HRH3: variants seen among roughly 807,000 people sequenced by gnomAD.
HRH3 encodes the protein histamine receptor H3, also known as histamine H3 receptor.
A neutral mutation model predicts 21.6 loss-of-function variants in HRH3; 13 were observed. That is an observed-to-expected ratio of 0.60 (90% CI 0.39 to 0.96). The LOEUF is 0.96. HRH3 is among the 40% of genes least tolerant of loss of function. The pLI, the probability that HRH3 is intolerant of heterozygous loss-of-function variation, is 0.00. For missense variants in HRH3, 461 were observed against 622.7 expected (o/e 0.74, Z 2.76); for synonymous variants, 276 against 290.3 (o/e 0.95, Z 0.50).
chr20:62,216,294 C>T lies in HRH3; in HGVS notation c.1050G>A (p.Leu350=), dbSNP rs1308876169. The T allele has an allele frequency of 6.2e-7, 1 of 1,611,728 alleles. No homozygotes were observed. Among genetic ancestry groups the T allele is most frequent in the Admixed American group, 1.7e-5 (1 of 59,968 alleles). ...ACTTGGCCACTTTCCTGTCCCGAGA[C>T]AGCCGAAAGCGCTGGGTGAAGCTCT... The part of the protein sequence containing the change: ...VSQSFTQRFR[L]SRDRKVAKSL... The change falls in exon 3 of 3, where the codon CTG becomes CTA. Residue 350 remains leucine, a synonymous_variant. Coordinates refer to ENST00000340177, the MANE Select transcript of HRH3 (RefSeq NM_007232.3).
At position 62,220,230 on chromosome 20, in the gene HRH3, C is replaced by A. The variant is rs1978756450; in HGVS notation, c.-260G>T. 1.3e-5 allele frequency: 2 copies of A among 154,610 alleles called. No individual in the cohort carries two copies. Among genetic ancestry groups the A allele is most frequent in the Admixed American group, 6.7e-5 (1 of 14,898 alleles). 9.6% of individuals were successfully genotyped at this position (154,610 alleles called of 1,614,324 possible). On this transcript the variant is annotated 5_prime_UTR_variant, in exon 1 of 3. Coordinates refer to ENST00000340177, the MANE Select transcript of HRH3 (RefSeq NM_007232.3). The stretch of plus-strand genomic sequence containing the variant: ...AGCGGGAGAGGAGCCGGAGCCTGAG[C>A]CGCTGCCGGTGCGACCGTGCAGCCG...
Position 62,218,364 on chromosome 20 carries a change from C to T in HRH3, c.417+127G>A. 1 of 1,115,428 alleles carries T rather than the reference C, an allele frequency of 9.0e-7. No homozygotes were observed. Among genetic ancestry groups the T allele is most frequent in the Non-Finnish European group, 1.3e-6 (1 of 794,260 alleles). The allele number at this position is 1,115,428 out of a possible 1,614,324, so 69.1% of individuals were successfully genotyped here. On this transcript the variant is annotated intron_variant, in intron 2 of 2. Transcript: ENST00000340177. The surrounding 1 kb of genome is among the most constrained non-coding windows in gnomAD (Gnocchi z 5.6). Reference sequence around the variant, plus strand: ...CGTCGAGTGGCCCATGTGTCAGCAGCAAAGCCAGTGGGACCAAGCCCACTT... The same window carrying T: ...CGTCGAGTGGCCCATGTGTCAGCAGTAAAGCCAGTGGGACCAAGCCCACTT...
In HRH3 at chr20:62,218,343, G is replaced by A. The variant is rs562577507; in HGVS notation, c.417+148C>T. The A allele has an allele frequency of 3.5e-3, 3,131 of 901,400 alleles. 10 individuals carry two copies. Among genetic ancestry groups the A allele is most frequent in the Non-Finnish European group, 4.9e-3 (2,943 of 606,436 alleles). 55.8% of individuals were successfully genotyped at this position (901,400 alleles called of 1,614,324 possible). A position where few individuals can be genotyped will look rare whatever the true frequency, so the allele number is the denominator to read the frequency against. ...GGCCCCGAGTGGGCAGCTGGCCGTCGAGTGGCCCATGTGTCAGCAGCAAAG... is the reference window on the plus strand; with the variant it reads ...GGCCCCGAGTGGGCAGCTGGCCGTCAAGTGGCCCATGTGTCAGCAGCAAAG... On this transcript the variant is annotated intron_variant, in intron 2 of 2. Coordinates refer to ENST00000340177, the MANE Select transcript of HRH3 (RefSeq NM_007232.3). This position sits in a 1 kb window ranked among gnomAD's most constrained non-coding sequence, Gnocchi z 5.6.
Position 62,216,710 on chromosome 20 carries a change from G to A in HRH3, c.634C>T (p.Leu212Phe), listed in dbSNP as rs1243065833. The change falls in exon 3 of 3, where the codon CTC becomes TTC. Residue 212 changes from leucine to phenylalanine, a missense_variant. Leu to Phe is a conservative substitution (Grantham distance 22). Transcript: ENST00000340177. Reference sequence around the variant, plus strand: ...CTGAGGTTAAAGAAGGTGACGCTGAGGAAGGGCGTAAAGAACTCCAGGGTG... The same window carrying A: ...CTGAGGTTAAAGAAGGTGACGCTGAAGAAGGGCGTAAAGAACTCCAGGGTG... ...ASTLEFFTPFLSVTFFNLSIY... is the reference protein window; with the variant it reads ...ASTLEFFTPFFSVTFFNLSIY... 6.2e-7 allele frequency: 1 copy of A among 1,613,172 alleles called. No homozygotes were observed. The highest frequency in any genetic ancestry group is 2.2e-5 in the East Asian group (1 of 44,890).
Position 62,220,111 on chromosome 20 carries a change from T to A in HRH3, c.-141A>T. 1.4e-6 allele frequency: 1 copy of A among 709,340 alleles called. No individual in the cohort carries two copies. The highest frequency in any genetic ancestry group is 1.7e-6 in the Non-Finnish European group (1 of 578,924). The allele number at this position is 709,340 out of a possible 1,614,324, so 43.9% of individuals were successfully genotyped here. A position where few individuals can be genotyped will look rare whatever the true frequency, so the allele number is the denominator to read the frequency against. On this transcript the variant is annotated 5_prime_UTR_variant, in exon 1 of 3. The change abolishes an upstream ATG in the 5' untranslated region. Coordinates refer to ENST00000340177, the MANE Select transcript of HRH3 (RefSeq NM_007232.3). Reference sequence around the variant, plus strand: ...GGTTCCCCTGGGGGCGCCCAGCGCATGGTCCGCGGGGCCGGGGCCGGGGCC... The same window carrying A: ...GGTTCCCCTGGGGGCGCCCAGCGCAAGGTCCGCGGGGCCGGGGCCGGGGCC...
Position 62,216,747 on chromosome 20 carries a change from G to A in HRH3, c.597C>T (p.Leu199=), listed in dbSNP as rs1360161327. The change falls in exon 3 of 3, where the codon CTC becomes CTT. Residue 199 remains leucine, a synonymous_variant. Transcript: ENST00000340177. ...YAEFFYNWYF[L]ITASTLEFFT... ...AGAACTCCAGGGTGGAAGCCGTGATGAGGAAGTACCAGTTGTAGAAGAACT... is the reference window on the plus strand; with the variant it reads ...AGAACTCCAGGGTGGAAGCCGTGATAAGGAAGTACCAGTTGTAGAAGAACT... 6.2e-7 allele frequency: 1 copy of A among 1,613,338 alleles called. No individual in the cohort carries two copies. Among genetic ancestry groups the A allele is most frequent in the South Asian group, 1.1e-5 (1 of 91,092 alleles).
In HRH3 at chr20:62,215,409, G is replaced by A. The variant is rs1215423441; in HGVS notation, c.*597C>T. The stretch of plus-strand genomic sequence containing the variant: ...GACATGTTTTCTTCTTCATCTTTCT[G>A]AAAACACCCAGAATGGAAAAGCAGA... On this transcript the variant is annotated 3_prime_UTR_variant, in exon 3 of 3. Transcript: ENST00000340177. The A allele has an allele frequency of 2.2e-6, 1 of 457,022 alleles. No individual in the cohort carries two copies. Among genetic ancestry groups the A allele is most frequent in the Non-Finnish European group, 4.4e-6 (1 of 227,106 alleles). 28.3% of individuals were successfully genotyped at this position (457,022 alleles called of 1,614,324 possible). A position where few individuals can be genotyped will look rare whatever the true frequency, so the allele number is the denominator to read the frequency against.
At position 62,219,694 on chromosome 20, in the gene HRH3, C is replaced by T. The variant is rs752456753; in HGVS notation, c.250+27G>A. On this transcript the variant is annotated intron_variant, in intron 1 of 2. Transcript: ENST00000340177. The surrounding 1 kb of genome is among the most constrained non-coding windows in gnomAD (Gnocchi z 8.7). Reference sequence around the variant, plus strand: ...CGGCCACGCTGGGCGCCCCTGGGTCCCCAGCGGCCAGGGGCTGGGGATTTA... The same window carrying T: ...CGGCCACGCTGGGCGCCCCTGGGTCTCCAGCGGCCAGGGGCTGGGGATTTA... 18 of 1,581,112 alleles carry T rather than the reference C, an allele frequency of 1.1e-5. No individual in the cohort carries two copies. The South Asian group carries it at 1.8e-4, about 16-fold the overall frequency.
chr20:62,215,440 G>A lies in HRH3; in HGVS notation c.*566C>T, dbSNP rs1164204786. On this transcript the variant is annotated 3_prime_UTR_variant, in exon 3 of 3. Coordinates refer to ENST00000340177, the MANE Select transcript of HRH3 (RefSeq NM_007232.3). ...ACCCAGAATGGAAAAGCAGAGAACA[G>A]CTTCGAGGTTCCTAGGGCCCCTTGA... is the stretch of plus-strand genomic sequence containing the variant. 4.4e-6 allele frequency: 2 copies of A among 457,218 alleles called. No individual in the cohort carries two copies. Among genetic ancestry groups the A allele is most frequent in the Admixed American group, 4.7e-5 (2 of 42,592 alleles). The allele number at this position is 457,218 out of a possible 1,614,324, so 28.3% of individuals were successfully genotyped here. A position where few individuals can be genotyped will look rare whatever the true frequency, so the allele number is the denominator to read the frequency against.
chr20:62,216,480 C>A lies in HRH3; in HGVS notation c.864G>T (p.Glu288Asp). The A allele has an allele frequency of 6.4e-7, 1 of 1,560,626 alleles. No homozygotes were observed. The change falls in exon 3 of 3, where the codon GAG becomes GAT. Residue 288 changes from glutamate to aspartate, a missense_variant. By Grantham distance (45) the Glu-to-Asp change is conservative (BLOSUM62 2). Coordinates refer to ENST00000340177, the MANE Select transcript of HRH3 (RefSeq NM_007232.3). ...GEAAVGAEAG[E>D]ATLGGGGGGG... ...CCCCACCGCCACCCCCGAGGGTCGC[C>A]TCCCCGGCCTCAGCGCCTACGGCCG...
At chr20:62,217,486 C>T (rs368147095) in intron 2 of HRH3, among the ~76,000 whole-genome samples, 23 of 152,352 alleles carry the variant, frequency 1.5e-4, no homozygotes, top group African/African-American at 4.6e-4. Context: ...CATCCCAGAT[C>T]GACATCAGGG....
chr20:62,218,530 C>T lies in HRH3; in HGVS notation c.378G>A (p.Val126=). ...ACAGGAAGCGGTCGTAGCTGATGAG[C>T]ACGATGTTGAAGGCAGAGGAGGTGC... ...LLCTSSAFNI[V]LISYDRFLSV... Residue 126 remains valine (V), a synonymous_variant, in exon 2 of 3, where the codon GTG becomes GTA. Transcript: ENST00000340177. This position sits in a 1 kb window ranked among gnomAD's most constrained non-coding sequence, Gnocchi z 5.6. 6.2e-7 allele frequency: 1 copy of T among 1,612,290 alleles called. No individual in the cohort carries two copies. Among genetic ancestry groups the T allele is most frequent in the Non-Finnish European group, 8.5e-7 (1 of 1,179,954 alleles).
intron 2 of HRH3, among the ~76,000 whole-genome samples, chr20:62,217,314 T>A (rs1978615987): frequency 6.6e-6 from 1 of 152,176 alleles, no homozygotes. Context: ...ACATGATGCA[T>A]CCTGATCCTG....
chr20:62,215,485 A>G lies in HRH3; in HGVS notation c.*521T>C, dbSNP rs202231838. 5.5e-5 allele frequency: 25 copies of G among 456,892 alleles called. No individual in the cohort carries two copies. Among genetic ancestry groups the G allele is most frequent in the African/African-American group, 5.0e-4 (25 of 50,030 alleles). The allele number at this position is 456,892 out of a possible 1,614,324, so 28.3% of individuals were successfully genotyped here. On this transcript the variant is annotated 3_prime_UTR_variant, in exon 3 of 3. Transcript: ENST00000340177. ...CCTTGACACTTTTGGGGGCAGAGAG[A>G]GTTGGTGGGAAGAGGGGTGAAAGGG...
chr20:62,216,230 C>G lies in HRH3; in HGVS notation c.1114G>C (p.Ala372Pro). The G allele has an allele frequency of 6.2e-7, 1 of 1,612,872 alleles. No individual in the cohort carries two copies. The highest frequency in any genetic ancestry group is 8.5e-7 in the Non-Finnish European group (1 of 1,179,886). ...VIVSIFGLCW[A>P]PYTLLMIIRA... ...ATGATCATCAGCAGCGTGTATGGGG[C>G]CCAGCAGAGCCCAAAGATGCTCACG... The change falls in exon 3 of 3, where the codon GCC (alanine) becomes CCC (proline). Residue 372 changes from alanine to proline, a missense_variant. Ala to Pro is a conservative substitution (Grantham distance 27). Transcript: ENST00000340177.
Position 62,218,107 on chromosome 20 carries a change from T to G in HRH3, c.417+384A>C, listed in dbSNP as rs1978652495. 6.6e-6 allele frequency among the ~76,000 whole-genome samples: 1 copy of G among 152,194 alleles called. No individual in the cohort carries two copies. The highest frequency in any genetic ancestry group is 1.5e-5 in the Non-Finnish European group (1 of 68,010). On this transcript the variant is annotated intron_variant, in intron 2 of 2. Transcript: ENST00000340177. The surrounding 1 kb of genome is among the most constrained non-coding windows in gnomAD (Gnocchi z 5.6). ...ATCTGCGGAGCCAGGATCTGCCGCCTGCCTTCCCGGGGCCTGTGTGTGTGT... is the reference window on the plus strand; with the variant it reads ...ATCTGCGGAGCCAGGATCTGCCGCCGGCCTTCCCGGGGCCTGTGTGTGTGT...
chr20:62,218,764 C>A lies in HRH3; in HGVS notation c.251-107G>T. ...CTGGGGTCACATGGTGGCTGCTTTT[C>A]TGGAACTAGCCATCCTCATCTTACC... is the stretch of plus-strand genomic sequence containing the variant. On this transcript the variant is annotated intron_variant, in intron 1 of 2. Transcript: ENST00000340177. This position sits in a 1 kb window ranked among gnomAD's most constrained non-coding sequence, Gnocchi z 5.6. 1 of 1,057,384 alleles carries A rather than the reference C, an allele frequency of 9.5e-7. No homozygotes were observed. The highest frequency in any genetic ancestry group is 1.6e-5 in the South Asian group (1 of 64,076). The allele number at this position is 1,057,384 out of a possible 1,614,324, so 65.5% of individuals were successfully genotyped here.
In HRH3 at chr20:62,219,619, G is replaced by T; in HGVS notation, c.250+102C>A. On this transcript the variant is annotated intron_variant, in intron 1 of 2. Transcript: ENST00000340177. This position sits in a 1 kb window ranked among gnomAD's most constrained non-coding sequence, Gnocchi z 8.7. ...TTCCCAGGCCGGGTCCCCTGGTGGG[G>T]CGTGTGCCTGCGGGAGCCACCCAGG... is the stretch of plus-strand genomic sequence containing the variant. 1 of 1,419,400 alleles carries T rather than the reference G, an allele frequency of 7.0e-7. No individual in the cohort carries two copies. Among genetic ancestry groups the T allele is most frequent in the Non-Finnish European group, 9.4e-7 (1 of 1,062,842 alleles). The allele number at this position is 1,419,400 out of a possible 1,614,324, so 87.9% of individuals were successfully genotyped here. A position where few individuals can be genotyped will look rare whatever the true frequency, so the allele number is the denominator to read the frequency against.
Position 62,218,775 on chromosome 20 carries a change from C to T in HRH3, c.251-118G>A, listed in dbSNP as rs1043270387. 4.2e-6 allele frequency: 4 copies of T among 963,056 alleles called. No homozygotes were observed. The highest frequency in any genetic ancestry group is 3.3e-5 in the African/African-American group (2 of 61,040). The allele number at this position is 963,056 out of a possible 1,614,324, so 59.7% of individuals were successfully genotyped here. A position where few individuals can be genotyped will look rare whatever the true frequency, so the allele number is the denominator to read the frequency against. On this transcript the variant is annotated intron_variant, in intron 1 of 2. Transcript: ENST00000340177. This position sits in a 1 kb window ranked among gnomAD's most constrained non-coding sequence, Gnocchi z 5.6. ...TGGTGGCTGCTTTTCTGGAACTAGCCATCCTCATCTTACCACCCCTCCACC... is the reference window on the plus strand; with the variant it reads ...TGGTGGCTGCTTTTCTGGAACTAGCTATCCTCATCTTACCACCCCTCCACC...
Sources: allele counts gnomAD v4.1 joint callset (sites outside exome capture counted in the v4.1 genomes callset), GRCh38; gene constraint gnomAD v4.1.1; non-coding constraint Gnocchi (gnomAD v3.1); transcripts MANE v1.5; gene names NCBI Gene and HGNC (gene_info 2026-07-23, HGNC 2026-07-21).